The following EPHB1 variants were observed in gnomAD, a reference collection of about 807,000 sequenced individuals.
EPHB1 encodes the protein ephrin type-B receptor 1.
EPHB1 carries 30 observed loss-of-function variants against 94.4 expected under a neutral mutation model. The observed-to-expected ratio is 0.32, with a 90% CI of 0.24 to 0.43. The LOEUF is 0.43. EPHB1 is among the 20% of genes least tolerant of loss of function. The pLI, the probability that EPHB1 is intolerant of heterozygous loss-of-function variation, is 1.00. For missense variants in EPHB1, 1,055 were observed against 1,308.3 expected (o/e 0.81, Z 2.99); for synonymous variants, 522 against 489.1 (o/e 1.07, Z -0.89).
At chr3:135,152,742 C>G (rs1162642675) in intron 5 of EPHB1, among the ~76,000 whole-genome samples, 1 of 152,170 alleles carries the variant, frequency 6.6e-6, no homozygotes, top group Non-Finnish European at 1.5e-5. Flanking sequence ...CATGGCATCC[C>G]TGCTGCTCTC....
chr3:135,201,427 C>T (rs752658782), intron 11 of EPHB1, 47 bp from the exon 12 acceptor site: 1 of 1,592,234 alleles, frequency 6.3e-7, no homozygotes, highest in Non-Finnish European at 8.6e-7. Flanking sequence ...CTCTGCTTAA[C>T]CATTGAAGCC....
intron 3 of EPHB1, among the ~76,000 whole-genome samples, chr3:135,026,057 GTTGT>G (rs1262327296): frequency 2.7e-5 from 2 of 74,820 alleles, no homozygotes; most frequent in Non-Finnish European, 5.9e-5. Flanking sequence ...TTTTGATGGG[GTTGT>G]TTGTTTTTTT....
chr3:135,246,088 G>T (rs563678899), intron 13 of EPHB1, among the ~76,000 whole-genome samples: 1 of 152,164 alleles, frequency 6.6e-6, no homozygotes, highest in African/African-American at 2.4e-5. Flanking sequence ...TAGTATCTGG[G>T]GCTCTAGCAT....
intron 4 of EPHB1, among the ~76,000 whole-genome samples, chr3:135,124,575 G>A (rs1230329223): frequency 6.6e-6 from 1 of 151,674 alleles, no homozygotes; most frequent in African/African-American, 2.4e-5. Context: ...ACACTCCTAT[G>A]GGTTGCTGTG....
At chr3:134,869,344 G>T (rs1049885403) in intron 1 of EPHB1, among the ~76,000 whole-genome samples, 5 of 152,182 alleles carry the variant, frequency 3.3e-5, no homozygotes, top group African/African-American at 1.2e-4. Context: ...CTCTCTCTGG[G>T]CTGATGCCAT....
At chr3:134,795,717 G>C (rs1466870521) in intron 1 of EPHB1, 28 bp downstream of exon 1, 1 of 1,607,632 alleles carries the variant, frequency 6.2e-7, no homozygotes, top group East Asian at 2.3e-5. Context: ...GAGCAAGTTG[G>C]CTGCTGGTGC....
chr3:135,118,904 A>G (rs1053949617), intron 4 of EPHB1, among the ~76,000 whole-genome samples: 2 of 152,216 alleles, frequency 1.3e-5, no homozygotes, highest in Non-Finnish European at 2.9e-5. Context: ...GAGGAAATTC[A>G]CCTAGAAATA....
intron 2 of EPHB1, among the ~76,000 whole-genome samples, chr3:134,932,221 T>A (rs1328845675): frequency 2.6e-5 from 4 of 152,284 alleles, no homozygotes; most frequent in Admixed American, 2.0e-4. Context: ...GTAAACTAAC[T>A]CCTGATACGA....
At chr3:134,897,636 A>G (rs2038113805) in intron 1 of EPHB1, among the ~76,000 whole-genome samples, 1 of 152,188 alleles carries the variant, frequency 6.6e-6, no homozygotes, top group South Asian at 2.1e-4. Context: ...AGCCCCCGTC[A>G]TTCCCTTGCA....
At chr3:135,126,746 T>C (rs1295510615) in intron 4 of EPHB1, among the ~76,000 whole-genome samples, 1 of 152,190 alleles carries the variant, frequency 6.6e-6, no homozygotes, top group Non-Finnish European at 1.5e-5. Flanking sequence ...CTGTAACACC[T>C]TGCATCTGTA....
At chr3:134,986,759 A>T (rs1934615875) in intron 3 of EPHB1, among the ~76,000 whole-genome samples, 1 of 146,860 alleles carries the variant, frequency 6.8e-6, no homozygotes, top group Admixed American at 6.8e-5. Context: ...AAACAAAAAC[A>T]AGAGACCTAT....
At chr3:134,856,943 C>T (rs1235940094) in intron 1 of EPHB1, among the ~76,000 whole-genome samples, 1 of 152,234 alleles carries the variant, frequency 6.6e-6, no homozygotes, top group Non-Finnish European at 1.5e-5. Context: ...GTGCTGTTTG[C>T]ACATCTCACT....
intron 1 of EPHB1, among the ~76,000 whole-genome samples, chr3:134,909,351 G>T (rs1436894575): frequency 6.6e-6 from 1 of 152,238 alleles, no homozygotes; most frequent in Non-Finnish European, 1.5e-5. Context: ...TGGGAAAGTA[G>T]TAAGTGCCTC....
intron 3 of EPHB1, among the ~76,000 whole-genome samples, chr3:135,041,611 G>A (rs1936846407): frequency 6.6e-6 from 1 of 152,194 alleles, no homozygotes; most frequent in Non-Finnish European, 1.5e-5. Flanking sequence ...ATAGGATAGG[G>A]TTGCTAGCTA....
At chr3:135,020,465 C>G (rs1426128290) in intron 3 of EPHB1, among the ~76,000 whole-genome samples, 1 of 152,210 alleles carries the variant, frequency 6.6e-6, no homozygotes, top group Non-Finnish European at 1.5e-5. Context: ...ATCCACCAAT[C>G]CATTTGCCAT....
intron 12 of EPHB1, among the ~76,000 whole-genome samples, chr3:135,201,924 A>G (rs1013332172): frequency 2.0e-4 from 30 of 152,090 alleles, no homozygotes; most frequent in African/African-American, 7.2e-4. Flanking sequence ...AGTGTCTATT[A>G]TGAAGCTATA....
rs2038395752 is a variant in EPHB1 at position 134,908,969 on chromosome 3, G to C, written c.59-16847G>C. ...TGGGGCTCCTCAGACAGTTGTTGTG[G>C]TCCTGGAATCCATCAACAGAGGTAG... On this transcript the variant is annotated intron_variant, in intron 1 of 15. Coordinates refer to ENST00000398015, the MANE Select transcript of EPHB1 (RefSeq NM_004441.5). 3.3e-5 allele frequency among the ~76,000 whole-genome samples: 5 copies of C among 151,576 alleles called. No individual in the cohort carries two copies. In the South Asian group the frequency reaches 1.0e-3, roughly 32 times the overall value.
At chr3:134,941,800 A>ACAC (rs2039124328) in intron 2 of EPHB1, among the ~76,000 whole-genome samples, 1 of 93,374 alleles carries the variant, frequency 1.1e-5, no homozygotes. Context: ...CACACACACA[A>ACAC]TCAGCCAGAC....
At chr3:135,037,695 A>T (rs1936689738) in intron 3 of EPHB1, among the ~76,000 whole-genome samples, 1 of 152,228 alleles carries the variant, frequency 6.6e-6, no homozygotes, top group African/African-American at 2.4e-5. Flanking sequence ...TGTATCTCAG[A>T]TTCACTTTGG....
Sources: allele counts gnomAD v4.1 joint callset (sites outside exome capture counted in the v4.1 genomes callset), GRCh38; gene constraint gnomAD v4.1.1; transcripts MANE v1.5; gene names NCBI Gene and HGNC (gene_info 2026-07-23, HGNC 2026-07-21).